YWHAE: variants seen among roughly 807,000 people sequenced by gnomAD.
YWHAE encodes the protein 14-3-3 protein epsilon.
YWHAE carries 4 observed loss-of-function variants against 30.1 expected under a neutral mutation model. The observed-to-expected ratio is 0.13, with a 90% CI of 0.07 to 0.30. YWHAE has a LOEUF of 0.30. YWHAE is among the 10% of genes least tolerant of loss of function. The probability of loss-of-function intolerance (pLI) is 1.00; values close to 1 mark genes in which losing one functional copy is unlikely to be tolerated. For synonymous variants in YWHAE, 118 were observed against 111.8 expected (o/e 1.06, Z -0.35); for missense variants, 121 against 315.9 (o/e 0.38, Z 4.68).
intron 1 of YWHAE, chr17:1,399,020 CAG>C (rs1470963335): frequency 2.0e-5 from 3 of 152,200 alleles, no homozygotes; most frequent in Non-Finnish European, 2.9e-5. Context: ...TCCGAGCCTG[CAG>C]AGTCAACCAA....
chr17:1,386,030 G>A (rs987578918), intron 1 of YWHAE, among the ~76,000 whole-genome samples: 1 of 152,192 alleles, frequency 6.6e-6, no homozygotes, highest in Non-Finnish European at 1.5e-5. Context: ...AGCCTTGGCA[G>A]AATACCAGTG....
intron 1 of YWHAE, 37 bp from the exon 2 acceptor site, chr17:1,365,095 T>C: frequency 6.3e-7 from 1 of 1,594,054 alleles, no homozygotes; most frequent in Non-Finnish European, 8.5e-7. Context: ...CTTACAAATT[T>C]GAAGTTTTCT....
At chr17:1,360,636 G>A (rs1403982730) in intron 4 of YWHAE, among the ~76,000 whole-genome samples, 2 of 151,986 alleles carry the variant, frequency 1.3e-5, no homozygotes, top group Non-Finnish European at 2.9e-5. Context: ...CATGGTGGCA[G>A]GCCCCTGTAA....
chr17:1,363,671 G>T (rs774161714), intron 2 of YWHAE, among the ~76,000 whole-genome samples: 1 of 152,254 alleles, frequency 6.6e-6, no homozygotes, highest in South Asian at 2.1e-4. Flanking sequence ...CCATTTTAAA[G>T]ATTTCATGTA....
chr17:1,350,033 AC>A (rs2072598507), intron 5 of YWHAE, among the ~76,000 whole-genome samples: 1 of 150,464 alleles, frequency 6.6e-6, no homozygotes, highest in Non-Finnish European at 1.5e-5. Flanking sequence ...GTTGATCACA[AC>A]CTCCAACTCC....
At chr17:1,366,565 A>C (rs1437472811) in intron 1 of YWHAE, among the ~76,000 whole-genome samples, 1 of 152,166 alleles carries the variant, frequency 6.6e-6, no homozygotes, top group Non-Finnish European at 1.5e-5. Context: ...CTGCATTTAA[A>C]TAAGCATCCT....
chr17:1,377,518 A>C (rs1038608024), intron 1 of YWHAE, among the ~76,000 whole-genome samples: 5 of 152,142 alleles, frequency 3.3e-5, no homozygotes, highest in African/African-American at 1.2e-4. Context: ...AGAAGCTGAG[A>C]CAGGAAGATC....
intron 1 of YWHAE, among the ~76,000 whole-genome samples, chr17:1,370,735 C>T (rs2073028642): frequency 6.6e-6 from 1 of 151,974 alleles, no homozygotes; most frequent in Non-Finnish European, 1.5e-5. Flanking sequence ...GTGGCTCACG[C>T]CTAGTAATCC....
intron 4 of YWHAE, among the ~76,000 whole-genome samples, chr17:1,354,964 GTTTTTTTTTTTTTTTTTT>G (rs56351171): frequency 1.3e-4 from 10 of 74,738 alleles, no homozygotes; most frequent in East Asian, 1.6e-3. Flanking sequence ...GCCCAGCCTA[GTTTTTTTTTTTTTTTTTT>G]TTTTTTTTTT....
intron 5 of YWHAE, among the ~76,000 whole-genome samples, chr17:1,353,022 C>T (rs2072661568): frequency 6.6e-6 from 1 of 152,154 alleles, no homozygotes; most frequent in South Asian, 2.1e-4. Context: ...AATAAAATTT[C>T]CTTTAAAATC....
chr17:1,395,562 A>G (rs750238158), intron 1 of YWHAE, among the ~76,000 whole-genome samples: 3 of 152,180 alleles, frequency 2.0e-5, no homozygotes, highest in Non-Finnish European at 4.4e-5. Context: ...AGTTCTGTCT[A>G]TGCATTTAAG....
intron 1 of YWHAE, among the ~76,000 whole-genome samples, chr17:1,374,597 T>A (rs1263685976): frequency 6.6e-6 from 1 of 152,128 alleles, no homozygotes; most frequent in Admixed American, 6.5e-5. Context: ...GGAACACTTG[T>A]TAGTTATTCT....
At chr17:1,394,458 A>C (rs999533731) in intron 1 of YWHAE, among the ~76,000 whole-genome samples, 2 of 146,582 alleles carry the variant, frequency 1.4e-5, no homozygotes, top group East Asian at 2.0e-4. Context: ...AAAAAAAAAA[A>C]AAACACAAAA....
chr17:1,377,133 C>T lies in YWHAE; in HGVS notation c.65-12075G>A, dbSNP rs528322325. On this transcript the variant is annotated intron_variant, in intron 1 of 5. Transcript: ENST00000264335. Reference sequence around the variant, plus strand: ...TTCACCATGTTGGCCAGACTGGTTTCGAACTCCTGACCTCAGGTGATCCAC... The same window carrying T: ...TTCACCATGTTGGCCAGACTGGTTTTGAACTCCTGACCTCAGGTGATCCAC... Among the ~76,000 whole-genome samples, 98 of 152,094 alleles carry T rather than the reference C, an allele frequency of 6.4e-4. No individual in the cohort carries two copies. In the East Asian group the frequency reaches 7.7e-3, roughly 12 times the overall value.
At chr17:1,364,697 T>C (rs1200193832) in intron 2 of YWHAE, 162 bp downstream of exon 2, 1 of 926,404 alleles carries the variant, frequency 1.1e-6, no homozygotes, top group South Asian at 1.7e-5. Context: ...CGGGTAAGTT[T>C]AACTTATAAA....
rs1232716536 is a variant in YWHAE, at chr17:1,344,852, G to A, written c.*595C>T. 2.1e-5 allele frequency: 5 copies of A among 232,914 alleles called. No homozygotes were observed. Among genetic ancestry groups the A allele is most frequent in the African/African-American group, 6.6e-5 (3 of 45,264 alleles). The allele number at this position is 232,914 out of a possible 1,614,324, so 14.4% of individuals were successfully genotyped here. ...AAAGTAGGCAAGAATGAGCAGCCAC[G>A]GATTGTTGAACTGTTACCAGCACCA... is the stretch of plus-strand genomic sequence containing the variant. On this transcript the variant is annotated 3_prime_UTR_variant, in exon 6 of 6. Coordinates refer to ENST00000264335, the MANE Select transcript of YWHAE (RefSeq NM_006761.5).
chr17:1,381,081 A>G (rs1433794560), intron 1 of YWHAE, among the ~76,000 whole-genome samples: 2 of 152,196 alleles, frequency 1.3e-5, no homozygotes, highest in Non-Finnish European at 2.9e-5. Context: ...AAAGAAATAC[A>G]TATTGATTAA....
intron 3 of YWHAE, 34 bp from the exon 4 acceptor site, chr17:1,361,332 AAT>A (rs1374492941): frequency 3.4e-6 from 5 of 1,464,806 alleles, no homozygotes; most frequent in Admixed American, 2.3e-5. Flanking sequence ...AAAAAAAAAA[AAT>A]TTAAACTAGG....
At chr17:1,366,814 C>G (rs1008642936) in intron 1 of YWHAE, among the ~76,000 whole-genome samples, 72 of 152,064 alleles carry the variant, frequency 4.7e-4, no homozygotes, top group African/African-American at 1.6e-3. Context: ...TGGTGGTGCA[C>G]GCTTGTAATC....
Sources: gnomAD v4.1 joint callset for allele counts (sites outside exome capture counted in the v4.1 genomes callset) on GRCh38, gnomAD v4.1.1 for gene constraint, MANE v1.5 for transcripts, NCBI Gene and HGNC (gene_info 2026-07-23, HGNC 2026-07-21) for gene names.